Variants in AK3 observed in about 807,000 individuals in gnomAD.
AK3 encodes adenylate kinase 3.
Under a neutral mutation model 23.7 loss-of-function variants are expected in AK3, and 27 were observed. That is an observed-to-expected ratio of 1.14 (90% CI 0.84 to 1.57). AK3 has a LOEUF of 1.57. Ranked by LOEUF, AK3 falls within the 40% of genes most tolerant of loss-of-function variation. The probability of loss-of-function intolerance (pLI) is 0.00; values close to 1 mark genes in which losing one functional copy is unlikely to be tolerated. For missense variants in AK3, 406 were observed against 285.6 expected (o/e 1.42, Z -3.04); for synonymous variants, 159 against 116.0 (o/e 1.37, Z -2.38).
At chr9:4,721,839 C>A (rs901372852) in intron 2 of AK3, among the ~76,000 whole-genome samples, 1 of 152,234 alleles carries the variant, frequency 6.6e-6, no homozygotes, top group African/African-American at 2.4e-5. Flanking sequence ...TACTTGTCTT[C>A]TACTAGAATG....
chr9:4,718,716 G>C (rs548600701), intron 3 of AK3, among the ~76,000 whole-genome samples, 179 bp from the exon 4 acceptor site: 2 of 152,156 alleles, frequency 1.3e-5, no homozygotes, highest in Non-Finnish European at 2.9e-5. Flanking sequence ...AACAGGGTAC[G>C]CCAGTTTCAT....
rs573381012 is a variant in AK3, at chr9:4,722,950, G to C, written c.152-325C>G. Among the ~76,000 whole-genome samples, 26 of 152,254 alleles carry C rather than the reference G, an allele frequency of 1.7e-4. No homozygotes were observed. The East Asian group carries it at 4.6e-3, about 27-fold the overall frequency. On this transcript the variant is annotated intron_variant, in intron 1 of 4. Transcript: ENST00000381809. ...GGGTGCCTGTAATCCCAGCTACTTG[G>C]GGGTAGCTTGAACCCAGGTGGGAGA...
At position 4,710,168 on chromosome 9, in the gene AK3, A is replaced by G. The variant is rs1413791711; in HGVS notation, c.*2808T>C. The G allele has an allele frequency of 1.3e-5, 2 of 152,170 alleles. No homozygotes were observed. Among genetic ancestry groups the G allele is most frequent in the South Asian group, 4.1e-4 (2 of 4,836 alleles). The allele number at this position is 152,170 out of a possible 1,614,324, so 9.4% of individuals were successfully genotyped here. On this transcript the variant is annotated 3_prime_UTR_variant, in exon 5 of 5. Transcript: ENST00000381809. The stretch of plus-strand genomic sequence containing the variant: ...CTGCTTACAAAAGGTATAGCAAAAT[A>G]ACTTTTACTCTATAAAATAAATCAG...
chr9:4,718,521 G>A lies in AK3; in HGVS notation c.461C>T (p.Thr154Ile), dbSNP rs1269424573. The A allele has an allele frequency of 6.2e-7, 1 of 1,613,380 alleles. No homozygotes were observed. Among genetic ancestry groups the A allele is most frequent in the South Asian group, 1.1e-5 (1 of 91,070 alleles). The change falls in exon 4 of 5, where the codon ACT becomes ATT. Residue 154 changes from threonine (T) to isoleucine (I), a missense_variant. By Grantham distance (89) the Thr-to-Ile change is moderately conservative (BLOSUM62 -1). Coordinates refer to ENST00000381809, the MANE Select transcript of AK3 (RefSeq NM_016282.4). ...PPKTVGIDDLTGEPLIQREDD... is the reference protein window; with the variant it reads ...PPKTVGIDDLIGEPLIQREDD... ...CTCACGCTGAATGAGAGGCTCCCCA[G>A]TCAGGTCATCAATGCCCTAAACAGG... is the stretch of plus-strand genomic sequence containing the variant.
chr9:4,724,161 C>T (rs1841968084), intron 1 of AK3, among the ~76,000 whole-genome samples: 1 of 152,142 alleles, frequency 6.6e-6, no homozygotes, highest in Admixed American at 6.6e-5. Context: ...TCAGGACTCA[C>T]TAAAACAGCC....
chr9:4,728,036 A>C (rs445641), intron 1 of AK3, among the ~76,000 whole-genome samples: 52,822 of 152,126 alleles, frequency 0.35, 9,570 homozygotes, highest in Middle Eastern at 0.47. Flanking sequence ...GGCACCCCAA[A>C]ACAATTATAA....
intron 1 of AK3, among the ~76,000 whole-genome samples, chr9:4,731,151 T>A (rs1457888083): frequency 1.3e-5 from 2 of 152,240 alleles, no homozygotes; most frequent in African/African-American, 4.8e-5. Context: ...CAGGGATATA[T>A]GTGCAGGTTT....
intron 1 of AK3, among the ~76,000 whole-genome samples, chr9:4,736,130 A>AG (rs1842288066): frequency 1.3e-5 from 2 of 151,718 alleles, no homozygotes; most frequent in Non-Finnish European, 2.9e-5. Context: ...AAAAAAAAAA[A>AG]AAAAGTTGAT....
At chr9:4,739,209 T>G (rs1021538381) in intron 1 of AK3, among the ~76,000 whole-genome samples, 1 of 151,956 alleles carries the variant, frequency 6.6e-6, no homozygotes, top group Non-Finnish European at 1.5e-5. Flanking sequence ...CTTTCTTTCT[T>G]TTTTTTCGAG....
chr9:4,716,078 G>T (rs12684167), intron 4 of AK3, among the ~76,000 whole-genome samples: 38,041 of 152,042 alleles, frequency 0.25, 4,865 homozygotes, highest in Middle Eastern at 0.3. Context: ...ACAATGGAGC[G>T]GAGTGACTGA....
chr9:4,721,107 T>C (rs963273472), intron 2 of AK3, among the ~76,000 whole-genome samples: 4 of 152,174 alleles, frequency 2.6e-5, no homozygotes, highest in Non-Finnish European at 5.9e-5. Flanking sequence ...TATTTTGTTT[T>C]AAAAAGGAGA....
chr9:4,717,569 C>G (rs1841770557), intron 4 of AK3, among the ~76,000 whole-genome samples: 1 of 152,308 alleles, frequency 6.6e-6, no homozygotes, highest in Admixed American at 6.5e-5. Flanking sequence ...CCGACAATCC[C>G]CAGCTTACAA....
chr9:4,713,039 A>G lies in AK3; in HGVS notation c.621T>C (p.Tyr207=). 1.2e-6 allele frequency: 2 copies of G among 1,613,840 alleles called. No homozygotes were observed. Among genetic ancestry groups the G allele is most frequent in the Non-Finnish European group, 1.7e-6 (2 of 1,179,804 alleles). The change falls in exon 5 of 5, where the codon TAT becomes TAC. Residue 207 remains tyrosine (Y), a synonymous_variant. Transcript: ENST00000381809. ...CTTTAGTTTGTAGGAAAGCATATAC[A>G]TAGGGCCAAATCTTGTTGGTTTCTG... ...SGTETNKIWP[Y]VYAFLQTKVP... is the part of the protein sequence containing the mutation.
chr9:4,737,080 CTATA>C (rs1027621872), intron 1 of AK3, among the ~76,000 whole-genome samples: 5 of 145,224 alleles, frequency 3.4e-5, no homozygotes, highest in Admixed American at 2.0e-4. Context: ...CTATTATTCA[CTATA>C]TAGTTTTTTT....
At chr9:4,715,441 C>G (rs1841701516) in intron 4 of AK3, among the ~76,000 whole-genome samples, 2 of 147,588 alleles carry the variant, frequency 1.4e-5, no homozygotes, top group Non-Finnish European at 3.0e-5. Flanking sequence ...CACCCGCGCT[C>G]TAGACTGCAG....
chr9:4,738,514 T>C (rs1842348584), intron 1 of AK3, among the ~76,000 whole-genome samples: 1 of 151,892 alleles, frequency 6.6e-6, no homozygotes, highest in African/African-American at 2.4e-5. Flanking sequence ...ATGCTCACTA[T>C]AAATGAGAAT....
At position 4,719,209 on chromosome 9, in the gene AK3, GTTGT is replaced by G; in HGVS notation, c.366_369del (p.Lys122AsnfsTer31). On this transcript the variant is annotated frameshift_variant, in exon 3 of 5. Transcript: ENST00000381809. LOFTEE classifies it high-confidence loss of function. ...GGATGAATCCAGCGAGCAGTAAGGC[GTTGT>G]TTAATGACCTCAAAGGGCACATTCA... The G allele has an allele frequency of 6.2e-7, 1 of 1,611,880 alleles. No homozygotes were observed. The highest frequency in any genetic ancestry group is 8.5e-7 in the Non-Finnish European group (1 of 1,179,836).
rs1030296113 is a variant in AK3 at position 4,710,073 on chromosome 9, T to G, written c.*2903A>C. 6.6e-6 allele frequency: 1 copy of G among 152,224 alleles called. No individual in the cohort carries two copies. Among genetic ancestry groups the G allele is most frequent in the East Asian group, 1.9e-4 (1 of 5,206 alleles). The allele number at this position is 152,224 out of a possible 1,614,324, so 9.4% of individuals were successfully genotyped here. A position where few individuals can be genotyped will look rare whatever the true frequency, so the allele number is the denominator to read the frequency against. ...AGATTTGAGCCAGTATTTAAACTATTTGAAATGGAACTGACAGAAATTTCT... is the reference window on the plus strand; with the variant it reads ...AGATTTGAGCCAGTATTTAAACTATGTGAAATGGAACTGACAGAAATTTCT... On this transcript the variant is annotated 3_prime_UTR_variant, in exon 5 of 5. Transcript: ENST00000381809.
In AK3 at chr9:4,713,031, G is replaced by T. The variant is rs1479285610; in HGVS notation, c.629C>A (p.Ala210Asp). The T allele has an allele frequency of 1.2e-6, 2 of 1,613,788 alleles. No individual in the cohort carries two copies. The highest frequency in any genetic ancestry group is 2.2e-5 in the East Asian group (1 of 44,852). The change falls in exon 5 of 5, where the codon GCT (alanine) becomes GAT (aspartate). Residue 210 changes from alanine (A) to aspartate (D), a missense_variant. Ala to Asp is a moderately radical substitution (Grantham distance 126). Transcript: ENST00000381809. ...ETNKIWPYVY[A>D]FLQTKVPQRS... ...TTGTGGAACTTTAGTTTGTAGGAAA[G>T]CATATACATAGGGCCAAATCTTGTT...
Sources: gnomAD v4.1 joint callset for allele counts (sites outside exome capture counted in the v4.1 genomes callset) on GRCh38, gnomAD v4.1.1 for gene constraint, MANE v1.5 for transcripts, NCBI Gene and HGNC (gene_info 2026-07-23, HGNC 2026-07-21) for gene names.